Variants in NT5DC1 observed in about 807,000 individuals in gnomAD.
NT5DC1 encodes 5'-nucleotidase domain-containing protein 1.
A neutral mutation model predicts 59.4 loss-of-function variants in NT5DC1; 42 were observed. That is an observed-to-expected ratio of 0.71 (90% confidence interval 0.55 to 0.92). The LOEUF (loss-of-function observed/expected upper bound fraction) is 0.92, where lower values mean the gene tolerates loss of function less well. Among genes scored for constraint, NT5DC1 ranks in the 40% least tolerant of loss-of-function variants. The probability of loss-of-function intolerance (pLI) is 0.00; values close to 1 mark genes in which losing one functional copy is unlikely to be tolerated. For synonymous variants in NT5DC1, 172 were observed against 188.1 expected, an observed-to-expected ratio of 0.91 and a Z score of 0.70; for missense variants, 501 against 537.1, an observed-to-expected ratio of 0.93 and a Z score of 0.66.
chr6:116,152,164 A>G (rs1780058946), intron 6 of NT5DC1, among the ~76,000 whole-genome samples: 1 of 152,182 alleles, frequency 6.6e-6, no homozygotes, highest in South Asian at 2.1e-4. Flanking sequence ...TTATACTTTC[A>G]GTATGGTTGA....
In NT5DC1 at chr6:116,248,864, C is replaced by CTAAT. The variant is rs1285840519; in HGVS notation, c.*4842_*4845dup. 6.6e-6 allele frequency: 1 copy of CTAAT among 152,140 alleles called. No homozygotes were observed. Among genetic ancestry groups the CTAAT allele is most frequent in the East Asian group, 1.9e-4 (1 of 5,202 alleles). 9.4% of individuals were successfully genotyped at this position (152,140 alleles called of 1,614,324 possible). A position where few individuals can be genotyped will look rare whatever the true frequency, so the allele number is the denominator to read the frequency against. Reference sequence around the variant, plus strand: ...TTGGTAAGTGAAACCTGTAAGATGCCTAATTGAGTAATTTAATGACTAATT... The same window carrying CTAAT: ...TTGGTAAGTGAAACCTGTAAGATGCCTAATTAATTGAGTAATTTAATGACTAATT... On this transcript the variant is annotated 3_prime_UTR_variant, in exon 12 of 12. Transcript: ENST00000319550.
intron 8 of NT5DC1, among the ~76,000 whole-genome samples, chr6:116,233,977 G>GTTTTTT (rs34646243): frequency 2.7e-5 from 3 of 109,860 alleles, no homozygotes; most frequent in Non-Finnish European, 3.6e-5. Flanking sequence ...TCTTATAACT[G>GTTTTTT]TTTTTTTTTT....
chr6:116,121,041 C>T, intron 6 of NT5DC1: 1 of 1,614,110 alleles, frequency 6.2e-7, no homozygotes. Context: ...CCTTTAGGGC[C>T]TGGGAGACCA....
intron 6 of NT5DC1, among the ~76,000 whole-genome samples, chr6:116,125,159 T>C (rs1028048149): frequency 1.3e-5 from 2 of 152,234 alleles, no homozygotes; most frequent in Admixed American, 6.5e-5. Flanking sequence ...TCCTTTCTAC[T>C]ACACTTATTG....
intron 8 of NT5DC1, among the ~76,000 whole-genome samples, chr6:116,226,646 T>C (rs1450102986): frequency 1.3e-5 from 2 of 152,100 alleles, no homozygotes; most frequent in Non-Finnish European, 2.9e-5. Context: ...CCAAACTATA[T>C]ATTTTTAAAT....
chr6:116,182,222 A>AGAGAGTGTGTGTGTGTGTGTGT (rs148509481), intron 6 of NT5DC1, among the ~76,000 whole-genome samples: 1 of 124,606 alleles, frequency 8.0e-6, no homozygotes, highest in Non-Finnish European at 1.7e-5. Context: ...TTCCATGGAG[A>AGAGAGTGTGTGTGTGTGTGTGT]GTGTGTGTGT....
intron 11 of NT5DC1, among the ~76,000 whole-genome samples, chr6:116,243,691 G>T (rs1771780962): frequency 6.6e-6 from 1 of 152,018 alleles, no homozygotes; most frequent in African/African-American, 2.4e-5. Flanking sequence ...TGTTGTAAAA[G>T]TTTGTCTTTA....
intron 11 of NT5DC1, among the ~76,000 whole-genome samples, chr6:116,242,482 C>CA (rs778188431): frequency 0.026 from 3,159 of 122,526 alleles, 87 homozygotes; most frequent in African/African-American, 0.07. Flanking sequence ...TAACAGTAAC[C>CA]AAAAAAAAAA....
intron 5 of NT5DC1, among the ~76,000 whole-genome samples, chr6:116,116,075 A>G (rs1429325819): frequency 2.0e-5 from 3 of 152,200 alleles, no homozygotes; most frequent in Non-Finnish European, 4.4e-5. Flanking sequence ...CAAAATAAAT[A>G]GTTTCATTAG....
chr6:116,169,825 A>G (rs1780565572), intron 6 of NT5DC1, among the ~76,000 whole-genome samples: 1 of 152,210 alleles, frequency 6.6e-6, no homozygotes, highest in Admixed American at 6.5e-5. Flanking sequence ...TGTATAGATG[A>G]TATTTATGAA....
chr6:116,157,236 C>T (rs894448864), intron 6 of NT5DC1, among the ~76,000 whole-genome samples: 1 of 152,162 alleles, frequency 6.6e-6, no homozygotes, highest in Non-Finnish European at 1.5e-5. Flanking sequence ...GAGGATTCCC[C>T]CCCATATCTC....
At chr6:116,198,265 C>T (rs752598058) in intron 6 of NT5DC1, among the ~76,000 whole-genome samples, 8 of 152,042 alleles carry the variant, frequency 5.3e-5, no homozygotes, top group Non-Finnish European at 7.4e-5. Flanking sequence ...CGTAACTATT[C>T]CACACAGCTT....
intron 6 of NT5DC1, among the ~76,000 whole-genome samples, chr6:116,140,915 C>A (rs10457304): frequency 6.6e-6 from 1 of 152,216 alleles, no homozygotes; most frequent in African/African-American, 2.4e-5. Flanking sequence ...TAATACTGCT[C>A]TGAAACTTCT....
At chr6:116,236,892 C>A in intron 8 of NT5DC1, 74 bp from the exon 9 acceptor site, 2 of 861,236 alleles carry the variant, frequency 2.3e-6, no homozygotes, top group Non-Finnish European at 3.9e-6. Flanking sequence ...TGTAGCCATG[C>A]CCTAAGTGTG....
chr6:116,203,920 A>G (rs1354479030), intron 6 of NT5DC1, among the ~76,000 whole-genome samples: 1 of 151,918 alleles, frequency 6.6e-6, no homozygotes, highest in Non-Finnish European at 1.5e-5. Context: ...TATTATCATA[A>G]TTTACCTTTT....
chr6:116,198,193 G>GAAC (rs1781275544), intron 6 of NT5DC1, among the ~76,000 whole-genome samples: 1 of 152,052 alleles, frequency 6.6e-6, no homozygotes, highest in Non-Finnish European at 1.5e-5. Flanking sequence ...ACTGAGTAGT[G>GAAC]AACAACAGTT....
chr6:116,175,478 A>G (rs1359081458), intron 6 of NT5DC1, among the ~76,000 whole-genome samples: 2 of 152,138 alleles, frequency 1.3e-5, no homozygotes, highest in East Asian at 1.9e-4. Context: ...TTGAAAAATT[A>G]TTGGTCATTA....
rs145161740 is a variant in NT5DC1, at chr6:116,213,487, G to A, written c.530-7567G>A. On this transcript the variant is annotated intron_variant, in intron 6 of 11. Coordinates refer to ENST00000319550, the MANE Select transcript of NT5DC1 (RefSeq NM_152729.3). ...ACCTGGAACTAACACAGGGTCATTC[G>A]CACTGCATTCTATTGGTCAAAGCAG... 1.4e-3 allele frequency among the ~76,000 whole-genome samples: 220 copies of A among 152,140 alleles called. 1 individual carries two copies. The highest frequency in any genetic ancestry group is 4.9e-3 in the African/African-American group (202 of 41,524).
At chr6:116,223,559 G>T (rs1279432902) in intron 8 of NT5DC1, among the ~76,000 whole-genome samples, 1 of 152,212 alleles carries the variant, frequency 6.6e-6, no homozygotes, top group Non-Finnish European at 1.5e-5. Flanking sequence ...AGAAGAGACT[G>T]ATAGGGAGAG....
Sources: allele counts gnomAD v4.1 joint callset (sites outside exome capture counted in the v4.1 genomes callset), GRCh38; gene constraint gnomAD v4.1.1; transcripts MANE v1.5; gene names NCBI Gene and HGNC (gene_info 2026-07-23, HGNC 2026-07-21).